The following EBF1 variants were observed in gnomAD, a reference collection of about 807,000 sequenced individuals.
EBF1 encodes the protein transcription factor COE1.
In EBF1, 10 loss-of-function variants were observed where a neutral mutation model predicts 68.4. That is an observed-to-expected ratio of 0.15 (90% CI 0.09 to 0.25). The LOEUF (loss-of-function observed/expected upper bound fraction) is 0.25. EBF1 is among the 10% of genes least tolerant of loss of function. The pLI is 1.00. For synonymous variants in EBF1, 298 were observed against 299.8 expected, an observed-to-expected ratio of 0.99 and a Z score of 0.06; for missense variants, 509 against 794.4, an observed-to-expected ratio of 0.64 and a Z score of 4.32.
At chr5:158,966,398 T>G (rs1264205396) in intron 6 of EBF1, among the ~76,000 whole-genome samples, 1 of 152,050 alleles carries the variant, frequency 6.6e-6, no homozygotes, top group South Asian at 2.1e-4. Flanking sequence ...TCACATAGGG[T>G]TATAAAAAGC....
In EBF1 at chr5:158,731,055, G is replaced by C. The variant is rs202004918; in HGVS notation, c.1125+14C>G. The C allele has an allele frequency of 5.0e-6, 8 of 1,610,248 alleles. 1 individual carries two copies. Among genetic ancestry groups the C allele is most frequent in the Non-Finnish European group, 6.8e-6 (8 of 1,177,936 alleles). ...TCCAAATTTTCAGGAATTACAAAAAGGCAGTATCCTCACCTTTGGCAAACG... is the reference window on the plus strand; with the variant it reads ...TCCAAATTTTCAGGAATTACAAAAACGCAGTATCCTCACCTTTGGCAAACG... On this transcript the variant is annotated intron_variant, in intron 11 of 15. Transcript: ENST00000313708.
At chr5:158,767,225 C>T (rs889907592) in intron 10 of EBF1, among the ~76,000 whole-genome samples, 1 of 152,106 alleles carries the variant, frequency 6.6e-6, no homozygotes, top group Non-Finnish European at 1.5e-5. Context: ...CAGTGATTAT[C>T]CCTGAGGGAT....
intron 10 of EBF1, among the ~76,000 whole-genome samples, chr5:158,743,761 C>T (rs1766951384): frequency 6.6e-6 from 1 of 151,970 alleles, no homozygotes; most frequent in Non-Finnish European, 1.5e-5. Flanking sequence ...GGCCATTTAG[C>T]AGAAAGAAAA....
chr5:158,780,922 G>A (rs573317704), intron 9 of EBF1, among the ~76,000 whole-genome samples: 22 of 152,278 alleles, frequency 1.4e-4, no homozygotes, highest in African/African-American at 4.1e-4. Flanking sequence ...TGTTCTAAGT[G>A]ATTAGAGAAC....
At chr5:158,995,034 T>C (rs1467027414) in intron 6 of EBF1, among the ~76,000 whole-genome samples, 1 of 152,356 alleles carries the variant, frequency 6.6e-6, no homozygotes, top group East Asian at 1.9e-4. Context: ...GGCCTTCTAA[T>C]TGGTTACCCT....
In EBF1 at chr5:158,794,174, C is replaced by T. The variant is rs1480202873; in HGVS notation, c.909+2171G>A. Among the ~76,000 whole-genome samples the T allele has an allele frequency of 2.0e-5, 3 of 152,174 alleles. No individual in the cohort carries two copies. In the South Asian group the frequency reaches 6.2e-4, roughly 32 times the overall value. ...GCTGGACAATGAAGGAGCATGCATC[C>T]TCCACCCTCAGCTCCTGGCTGGACC... On this transcript the variant is annotated intron_variant, in intron 9 of 15. Transcript: ENST00000313708.
At chr5:158,930,127 G>A (rs1810528694) in intron 6 of EBF1, among the ~76,000 whole-genome samples, 1 of 151,744 alleles carries the variant, frequency 6.6e-6, no homozygotes, top group Non-Finnish European at 1.5e-5. Flanking sequence ...GTACTTTTGA[G>A]TGTTAGAAAT....
intron 6 of EBF1, among the ~76,000 whole-genome samples, chr5:158,896,643 A>G (rs969149627): frequency 3.3e-5 from 5 of 152,222 alleles, no homozygotes; most frequent in Non-Finnish European, 5.9e-5. Flanking sequence ...GATGTTGTAC[A>G]TATGTGTTGT....
chr5:158,793,040 C>A (rs1206879859), intron 9 of EBF1, among the ~76,000 whole-genome samples: 1 of 152,158 alleles, frequency 6.6e-6, no homozygotes, highest in Non-Finnish European at 1.5e-5. Flanking sequence ...AGAAGGTAAG[C>A]CCTGGGGTTG....
rs965688180 is a variant in EBF1 at position 159,097,061 on chromosome 5, G to A, written c.204C>T (p.Phe68=). 4 of 1,613,920 alleles carry A rather than the reference G, an allele frequency of 2.5e-6. No individual in the cohort carries two copies. The African/African-American group carries it at 5.3e-5, about 22-fold the overall frequency. Residue 68 remains phenylalanine (F), a synonymous_variant, in exon 2 of 16, where the codon TTC becomes TTT. Transcript: ENST00000313708. ...PPSNLRKSNF[F]HFVLALYDRQ... Reference sequence around the variant, plus strand: ...TGTCGTAGAGGGCCAGGACGAAGTGGAAGAAGTTGGATTTCCGCAGATTGG... The same window carrying A: ...TGTCGTAGAGGGCCAGGACGAAGTGAAAGAAGTTGGATTTCCGCAGATTGG...
chr5:158,941,869 C>A (rs1166322902), intron 6 of EBF1, among the ~76,000 whole-genome samples: 1 of 152,158 alleles, frequency 6.6e-6, no homozygotes, highest in Non-Finnish European at 1.5e-5. Flanking sequence ...AATACATCCT[C>A]TTTTCTAATG....
At chr5:158,873,272 G>A (rs775900626) in intron 6 of EBF1, among the ~76,000 whole-genome samples, 2 of 152,008 alleles carry the variant, frequency 1.3e-5, no homozygotes, top group East Asian at 1.9e-4. Context: ...AAAAGTGCAC[G>A]TCTTTACCCC....
intron 6 of EBF1, among the ~76,000 whole-genome samples, chr5:159,032,893 C>A (rs1200239286): frequency 1.3e-5 from 2 of 151,998 alleles, no homozygotes; most frequent in African/African-American, 4.8e-5. Flanking sequence ...GAGCCCCACA[C>A]AGAGAGAAGG....
chr5:158,917,307 T>C (rs575819097), intron 6 of EBF1, among the ~76,000 whole-genome samples: 1 of 152,362 alleles, frequency 6.6e-6, no homozygotes, highest in South Asian at 2.1e-4. Context: ...TCCCTCATTC[T>C]TTCCAGCAAT....
At chr5:158,786,114 C>T (rs1010034452) in intron 9 of EBF1, among the ~76,000 whole-genome samples, 1 of 152,100 alleles carries the variant, frequency 6.6e-6, no homozygotes, top group Non-Finnish European at 1.5e-5. Flanking sequence ...AAATAATCAA[C>T]ACCACTCCAT....
chr5:159,029,483 A>G (rs1768344499), intron 6 of EBF1, among the ~76,000 whole-genome samples: 1 of 152,204 alleles, frequency 6.6e-6, no homozygotes, highest in African/African-American at 2.4e-5. Flanking sequence ...CTGACAGCAA[A>G]GTCCAGGGAA....
chr5:158,930,745 CT>C (rs1352229483), intron 6 of EBF1, among the ~76,000 whole-genome samples: 1 of 152,116 alleles, frequency 6.6e-6, no homozygotes, highest in Admixed American at 6.6e-5. Flanking sequence ...ATTAAAATGC[CT>C]CCATTTTACA....
intron 6 of EBF1, among the ~76,000 whole-genome samples, chr5:158,891,093 T>A (rs982655856): frequency 6.6e-6 from 1 of 152,228 alleles, no homozygotes; most frequent in Non-Finnish European, 1.5e-5. Context: ...GAGGAGGTAT[T>A]GAAGTTCACG....
At chr5:159,043,431 T>C (rs1248337551) in intron 6 of EBF1, among the ~76,000 whole-genome samples, 1 of 152,198 alleles carries the variant, frequency 6.6e-6, no homozygotes, top group African/African-American at 2.4e-5. Context: ...ATGTGATTCT[T>C]TGAATGACTG....
Sources: gnomAD v4.1 joint callset for allele counts (sites outside exome capture counted in the v4.1 genomes callset) on GRCh38, gnomAD v4.1.1 for gene constraint, MANE v1.5 for transcripts, NCBI Gene and HGNC (gene_info 2026-07-23, HGNC 2026-07-21) for gene names.